Variants in DGAT1 observed in about 807,000 individuals in gnomAD.
DGAT1 encodes the protein diacylglycerol O-acyltransferase 1.
Under a neutral mutation model 72.6 loss-of-function variants are expected in DGAT1, and 60 were observed. That is an observed-to-expected ratio of 0.83 (90% CI 0.67 to 1.02). The LOEUF (loss-of-function observed/expected upper bound fraction) is 1.02, where lower values mean the gene tolerates loss of function less well. Among genes scored for constraint, DGAT1 ranks in the 50% least tolerant of loss-of-function variants. The pLI, the probability that DGAT1 is intolerant of heterozygous loss-of-function variation, is 0.00. For synonymous variants in DGAT1, 290 were observed against 267.5 expected (o/e 1.08, Z -0.82); for missense variants, 592 against 670.0 (o/e 0.88, Z 1.29).
chr8:144,314,785 G>A lies in DGAT1; in HGVS notation c.*1769C>T, dbSNP rs1817125404. 2 of 454,062 alleles carry A rather than the reference G, an allele frequency of 4.4e-6. No homozygotes were observed. The highest frequency in any genetic ancestry group is 5.9e-6 in the Non-Finnish European group (2 of 339,242). The allele number at this position is 454,062 out of a possible 1,614,324, so 28.1% of individuals were successfully genotyped here. ...GTGGGTGGTGCTGCAATGAGGAGGGGCCCAGGGCACAGAAGGGCCGGGCTG... is the reference window on the plus strand; with the variant it reads ...GTGGGTGGTGCTGCAATGAGGAGGGACCCAGGGCACAGAAGGGCCGGGCTG... On this transcript the variant is annotated 3_prime_UTR_variant, in exon 17 of 17. Transcript: ENST00000528718.
At chr8:144,321,492 T>A in intron 1 of DGAT1, 84 bp from the exon 2 acceptor site, 3 of 1,218,650 alleles carry the variant, frequency 2.5e-6, no homozygotes, top group Admixed American at 1.7e-5. Flanking sequence ...CCCACCCCAG[T>A]GTCCTCGTCT....
intron 4 of DGAT1, 31 bp downstream of exon 4, chr8:144,318,804 C>T (rs781831279): frequency 1.6e-5 from 26 of 1,607,872 alleles, no homozygotes; most frequent in Non-Finnish European, 2.0e-5. Flanking sequence ...GCCTGATCCC[C>T]ACCCGAGGCC....
intron 2 of DGAT1, among the ~76,000 whole-genome samples, chr8:144,320,348 C>T (rs1210694790): frequency 1.3e-5 from 2 of 152,200 alleles, no homozygotes; most frequent in East Asian, 1.9e-4. Context: ...GCTGGGCTGG[C>T]GCTGGGCCCA....
chr8:144,316,247 C>T lies in DGAT1; in HGVS notation c.*307G>A, dbSNP rs1240498266. The T allele has an allele frequency of 5.5e-6, 2 of 362,674 alleles. No individual in the cohort carries two copies. The highest frequency in any genetic ancestry group is 1.0e-5 in the Non-Finnish European group (2 of 196,854). The allele number at this position is 362,674 out of a possible 1,614,324, so 22.5% of individuals were successfully genotyped here. ...CTGGCACTCGCCCTTGTGGGTGTGGCCATACCCCCCACCAGGCCCCAGGCC... is the reference window on the plus strand; with the variant it reads ...CTGGCACTCGCCCTTGTGGGTGTGGTCATACCCCCCACCAGGCCCCAGGCC... On this transcript the variant is annotated 3_prime_UTR_variant, in exon 17 of 17. Transcript: ENST00000528718.
Position 144,326,468 on chromosome 8 carries a change from C to A in DGAT1, c.169G>T (p.Ala57Ser). ...TCCCAGTGGCCGCTGCCCACGCCGG[C>A]GTCTCCGTCCTTGTTGGGGGCCGGG... ...PAPAPNKDGD[A>S]GVGSGHWELR... is the part of the protein sequence containing the mutation. The change falls in exon 1 of 17, where the codon GCC becomes TCC. Residue 57 changes from alanine to serine, a missense_variant. Coordinates refer to ENST00000528718, the MANE Select transcript of DGAT1 (RefSeq NM_012079.6). 7.5e-7 allele frequency: 1 copy of A among 1,339,654 alleles called. No homozygotes were observed. Among genetic ancestry groups the A allele is most frequent in the Non-Finnish European group, 9.6e-7 (1 of 1,036,374 alleles). The allele number at this position is 1,339,654 out of a possible 1,614,324, so 83.0% of individuals were successfully genotyped here.
chr8:144,324,137 GC>G (rs1817533690), intron 1 of DGAT1, among the ~76,000 whole-genome samples: 1 of 152,246 alleles, frequency 6.6e-6, no homozygotes, highest in South Asian at 2.1e-4. Context: ...AGAAAGGGGT[GC>G]CCTCTCCTGC....
At chr8:144,322,961 T>G (rs1817498559) in intron 1 of DGAT1, among the ~76,000 whole-genome samples, 1 of 152,090 alleles carries the variant, frequency 6.6e-6, no homozygotes, top group Admixed American at 6.5e-5. Context: ...GGAGGCTGGG[T>G]GTAGACACCG....
chr8:144,316,028 C>T lies in DGAT1; in HGVS notation c.*526G>A. The T allele has an allele frequency of 4.0e-6, 3 of 752,840 alleles. No homozygotes were observed. Among genetic ancestry groups the T allele is most frequent in the Non-Finnish European group, 4.9e-6 (3 of 615,922 alleles). The allele number at this position is 752,840 out of a possible 1,614,324, so 46.6% of individuals were successfully genotyped here. A position where few individuals can be genotyped will look rare whatever the true frequency, so the allele number is the denominator to read the frequency against. On this transcript the variant is annotated 3_prime_UTR_variant, in exon 17 of 17. Coordinates refer to ENST00000528718, the MANE Select transcript of DGAT1 (RefSeq NM_012079.6). ...CAAGTTGACCATCCTGCACTGAGGG[C>T]CAGAGTGCCGATTCCCGCACACCCA...
chr8:144,314,809 T>C lies in DGAT1; in HGVS notation c.*1745A>G, dbSNP rs1459059857. 1.4e-6 allele frequency: 1 copy of C among 716,510 alleles called. No homozygotes were observed. The allele number at this position is 716,510 out of a possible 1,614,324, so 44.4% of individuals were successfully genotyped here. On this transcript the variant is annotated 3_prime_UTR_variant, in exon 17 of 17. Transcript: ENST00000528718. ...GGCCCAGGGCACAGAAGGGCCGGGC[T>C]GCAGTGGCCTCCTGGGGGAAGACGG...
intron 1 of DGAT1, among the ~76,000 whole-genome samples, chr8:144,323,333 G>A (rs1373715954): frequency 6.6e-6 from 1 of 152,044 alleles, no homozygotes; most frequent in Non-Finnish European, 1.5e-5. Context: ...GGCTTCCAAG[G>A]CCTTCCTCAA....
At position 144,318,687 on chromosome 8, in the gene DGAT1, G is replaced by A; in HGVS notation, c.468+12C>T. The A allele has an allele frequency of 1.9e-6, 3 of 1,608,920 alleles. No homozygotes were observed. In the South Asian group the frequency reaches 3.3e-5, roughly 18 times the overall value. ...AGGGTGAGCACACACGGAGGTGAGGGGCACTGCTTACCACCGCCAGGCGCT... is the reference window on the plus strand; with the variant it reads ...AGGGTGAGCACACACGGAGGTGAGGAGCACTGCTTACCACCGCCAGGCGCT... On this transcript the variant is annotated intron_variant, in intron 5 of 16. Coordinates refer to ENST00000528718, the MANE Select transcript of DGAT1 (RefSeq NM_012079.6).
In DGAT1 at chr8:144,319,066, G is replaced by A. The variant is rs1554847809; in HGVS notation, c.291C>T (p.Ile97=). The change falls in exon 3 of 17, where the codon ATC becomes ATT. Residue 97 remains isoleucine, a splice_region_variant and synonymous_variant. Transcript: ENST00000528718. Reference sequence around the variant, plus strand: ...CCAGAAATAACCGGGCATTGCTCAAGATCTGCGAGGGATGGACAGGAGGGT... The same window carrying A: ...CCAGAAATAACCGGGCATTGCTCAAAATCTGCGAGGGATGGACAGGAGGGT... ...GILNWCVVML[I]LSNARLFLEN... 2.6e-6 allele frequency: 4 copies of A among 1,554,368 alleles called. No individual in the cohort carries two copies. Among genetic ancestry groups the A allele is most frequent in the Admixed American group, 1.9e-5 (1 of 51,456 alleles).
intron 1 of DGAT1, among the ~76,000 whole-genome samples, chr8:144,322,639 T>A (rs1817490336): frequency 6.6e-6 from 1 of 152,110 alleles, no homozygotes; most frequent in Non-Finnish European, 1.5e-5. Context: ...ACATGCCCCA[T>A]CTACACCTAC....
rs537664728 is a variant in DGAT1 at position 144,315,967 on chromosome 8, G to A, written c.*587C>T. On this transcript the variant is annotated 3_prime_UTR_variant, in exon 17 of 17. Transcript: ENST00000528718. ...GCCCACTTCCCGCAAACCCAGGGCCGACCTCTTCCCAAGCTGAAGCTGAGC... is the reference window on the plus strand; with the variant it reads ...GCCCACTTCCCGCAAACCCAGGGCCAACCTCTTCCCAAGCTGAAGCTGAGC... 2.7e-5 allele frequency: 27 copies of A among 985,828 alleles called. No individual in the cohort carries two copies. In the East Asian group the frequency reaches 1.8e-3, roughly 66 times the overall value. 61.1% of individuals were successfully genotyped at this position (985,828 alleles called of 1,614,324 possible). A position where few individuals can be genotyped will look rare whatever the true frequency, so the allele number is the denominator to read the frequency against.
intron 2 of DGAT1, 68 bp downstream of exon 2, chr8:144,321,253 G>T: frequency 6.6e-7 from 1 of 1,505,322 alleles, no homozygotes. Context: ...CTGTTCTCAG[G>T]CAAAGGCCAG....
chr8:144,316,853 C>A lies in DGAT1; in HGVS notation c.1311G>T (p.Gln437His). ...AGGAGGCCACGTGGGGGTCACTCACCTGAGCCATCATGCCCGTGAACGCCC... is the reference window on the plus strand; with the variant it reads ...AGGAGGCCACGTGGGGGTCACTCACATGAGCCATCATGCCCGTGAACGCCC... ...RLWAFTGMMA[Q>H]IPLAWFVGRF... Residue 437 changes from glutamine to histidine, a missense_variant and splice_region_variant, in exon 16 of 17, where the codon CAG becomes CAT. Physicochemically the swap from Gln to His is conservative, Grantham distance 24. Coordinates refer to ENST00000528718, the MANE Select transcript of DGAT1 (RefSeq NM_012079.6). The A allele has an allele frequency of 6.2e-7, 1 of 1,609,522 alleles. No individual in the cohort carries two copies. Among genetic ancestry groups the A allele is most frequent in the Non-Finnish European group, 8.5e-7 (1 of 1,178,596 alleles).
intron 1 of DGAT1, among the ~76,000 whole-genome samples, chr8:144,321,884 AG>A (rs1817470269): frequency 6.6e-6 from 1 of 152,232 alleles, no homozygotes; most frequent in African/African-American, 2.4e-5. Context: ...CCGGGAGCTA[AG>A]GGGTCCCCAC....
In DGAT1 at chr8:144,315,667, C is replaced by T. The variant is rs1817179898; in HGVS notation, c.*887G>A. The T allele has an allele frequency of 3.1e-6, 3 of 968,706 alleles. No individual in the cohort carries two copies. The highest frequency in any genetic ancestry group is 1.1e-4 in the East Asian group (1 of 8,752). 60.0% of individuals were successfully genotyped at this position (968,706 alleles called of 1,614,324 possible). On this transcript the variant is annotated 3_prime_UTR_variant, in exon 17 of 17. Coordinates refer to ENST00000528718, the MANE Select transcript of DGAT1 (RefSeq NM_012079.6). Reference sequence around the variant, plus strand: ...ACAAGGTGTCCTGAAGGCTGCAGGGCTGCGCTGTCTGCACTGCCCAGCCTG... The same window carrying T: ...ACAAGGTGTCCTGAAGGCTGCAGGGTTGCGCTGTCTGCACTGCCCAGCCTG...
In DGAT1 at chr8:144,325,880, C is replaced by A. The variant is rs192752977; in HGVS notation, c.200+557G>T. Among the ~76,000 whole-genome samples the A allele has an allele frequency of 2.0e-5, 3 of 152,306 alleles. No individual in the cohort carries two copies. The East Asian group carries it at 5.8e-4, about 29-fold the overall frequency. On this transcript the variant is annotated intron_variant, in intron 1 of 16. Coordinates refer to ENST00000528718, the MANE Select transcript of DGAT1 (RefSeq NM_012079.6). ...CTGGAGCAATGAATGGGCCACGCAG[C>A]CACTCTCAGAAGGGTCTGCAAGGAC... is the stretch of plus-strand genomic sequence containing the variant.
Sources: allele counts gnomAD v4.1 joint callset (sites outside exome capture counted in the v4.1 genomes callset), GRCh38; gene constraint gnomAD v4.1.1; transcripts MANE v1.5; gene names NCBI Gene and HGNC (gene_info 2026-07-23, HGNC 2026-07-21).